CPNE8: variants seen among roughly 807,000 people sequenced by gnomAD.
CPNE8 encodes the protein copine 8, also known as copine-8.
A neutral mutation model predicts 81.5 loss-of-function variants in CPNE8; 45 were observed. The ratio of observed to expected loss-of-function variants is 0.55; its 90% CI spans 0.44 to 0.71. CPNE8 has a LOEUF of 0.71. CPNE8 is among the 30% of genes least tolerant of loss of function. CPNE8 has a pLI of 0.00. For missense variants in CPNE8, 594 were observed against 672.1 expected, an observed-to-expected ratio of 0.88 and a Z score of 1.28; for synonymous variants, 252 against 226.3, an observed-to-expected ratio of 1.11 and a Z score of -1.02.
chr12:38,770,796 ACTCC>A (rs976025443), intron 7 of CPNE8, among the ~76,000 whole-genome samples: 7 of 151,648 alleles, frequency 4.6e-5, no homozygotes, highest in Admixed American at 2.6e-4. Context: ...GGCAAACACT[ACTCC>A]TTCTTTAGGT....
At chr12:38,785,188 T>TGA (rs1942152088) in intron 6 of CPNE8, among the ~76,000 whole-genome samples, 1 of 137,962 alleles carries the variant, frequency 7.2e-6, no homozygotes, top group African/African-American at 2.8e-5. Context: ...ACTCTGTCTC[T>TGA]GAAAAAAAAA....
At chr12:38,826,413 T>A (rs533613707) in intron 6 of CPNE8, among the ~76,000 whole-genome samples, 97 of 152,312 alleles carry the variant, frequency 6.4e-4, no homozygotes, top group African/African-American at 2.1e-3. Flanking sequence ...GAACAAGTTT[T>A]GAAGTCTTTC....
chr12:38,876,669 T>A (rs1181026395), intron 1 of CPNE8, among the ~76,000 whole-genome samples: 2 of 152,260 alleles, frequency 1.3e-5, no homozygotes, highest in African/African-American at 4.8e-5. Flanking sequence ...CATAACATAG[T>A]CTGAAATTTG....
chr12:38,902,485 A>C (rs1291146065), intron 1 of CPNE8, among the ~76,000 whole-genome samples: 2 of 152,244 alleles, frequency 1.3e-5, no homozygotes, highest in African/African-American at 2.4e-5. Flanking sequence ...AACCTATTCA[A>C]ATCTGAGCTG....
At chr12:38,794,764 T>C (rs1388329752) in intron 6 of CPNE8, among the ~76,000 whole-genome samples, 1 of 152,054 alleles carries the variant, frequency 6.6e-6, no homozygotes, top group Admixed American at 6.5e-5. Flanking sequence ...AGTATGAATG[T>C]GATGGTTAAT....
At chr12:38,737,762 G>T (rs1168735345) in intron 10 of CPNE8, among the ~76,000 whole-genome samples, 1 of 151,818 alleles carries the variant, frequency 6.6e-6, no homozygotes, top group Admixed American at 6.6e-5. Flanking sequence ...TTTGAACCAA[G>T]GTTCATATTT....
chr12:38,816,959 C>A (rs900501848), intron 6 of CPNE8, among the ~76,000 whole-genome samples: 2 of 152,170 alleles, frequency 1.3e-5, no homozygotes, highest in African/African-American at 4.8e-5. Context: ...ACTGAGTCTA[C>A]CTGGACCTAA....
chr12:38,655,015 A>G (rs1405366777), intron 19 of CPNE8, among the ~76,000 whole-genome samples: 1 of 152,160 alleles, frequency 6.6e-6, no homozygotes, highest in Non-Finnish European at 1.5e-5. Flanking sequence ...TTGATTTTTG[A>G]GTATCTACTA....
chr12:38,701,543 G>GA (rs1326634709), intron 14 of CPNE8, among the ~76,000 whole-genome samples: 1 of 151,986 alleles, frequency 6.6e-6, no homozygotes, highest in African/African-American at 2.4e-5. Context: ...ACCCAGTTTG[G>GA]AGTACAGTGG....
At position 38,770,649 on chromosome 12, in the gene CPNE8, C is replaced by T. The variant is rs185051122; in HGVS notation, c.472-2911G>A. 3.6e-3 allele frequency among the ~76,000 whole-genome samples: 555 copies of T among 152,276 alleles called. 2 individuals are homozygous for T. The highest frequency in any genetic ancestry group is 4.2e-3 in the Non-Finnish European group (288 of 68,036). ...TCTAATGGGTTCTGACCAGCCTTTT[C>T]CACCTTCAACTGGCAATGTTTTAGC... On this transcript the variant is annotated intron_variant, in intron 7 of 19. Transcript: ENST00000331366.
chr12:38,751,689 T>G (rs537384622), intron 10 of CPNE8, among the ~76,000 whole-genome samples: 4 of 149,710 alleles, frequency 2.7e-5, no homozygotes, highest in Non-Finnish European at 5.9e-5. Context: ...ATAGTGGCAC[T>G]GGAGATAAAA....
intron 6 of CPNE8, among the ~76,000 whole-genome samples, chr12:38,780,071 T>G (rs958807016): frequency 6.6e-6 from 1 of 152,064 alleles, no homozygotes; most frequent in South Asian, 2.1e-4. Context: ...TTTTACCCAT[T>G]TTGAGCTGAT....
At chr12:38,729,584 A>G (rs1940784756) in intron 11 of CPNE8, among the ~76,000 whole-genome samples, 1 of 152,042 alleles carries the variant, frequency 6.6e-6, no homozygotes, top group South Asian at 2.1e-4. Context: ...CTCTCTACTT[A>G]ACAGAGGCCA....
At chr12:38,847,565 G>A (rs1943579023) in intron 4 of CPNE8, among the ~76,000 whole-genome samples, 1 of 152,100 alleles carries the variant, frequency 6.6e-6, no homozygotes, top group Admixed American at 6.6e-5. Flanking sequence ...ACCAAATGTG[G>A]ATGTAATAAA....
intron 3 of CPNE8, among the ~76,000 whole-genome samples, chr12:38,859,352 G>T (rs1943795138): frequency 6.6e-6 from 1 of 151,876 alleles, no homozygotes; most frequent in African/African-American, 2.4e-5. Context: ...AACAGAATCA[G>T]AAAGAATAAA....
intron 5 of CPNE8, among the ~76,000 whole-genome samples, chr12:38,830,864 G>T (rs182485985): frequency 6.6e-6 from 1 of 152,116 alleles, no homozygotes; most frequent in Non-Finnish European, 1.5e-5. Context: ...TAAACCCAAG[G>T]CTTACTACTC....
At chr12:38,709,547 T>A (rs1417372534) in intron 13 of CPNE8, among the ~76,000 whole-genome samples, 1 of 152,182 alleles carries the variant, frequency 6.6e-6, no homozygotes, top group African/African-American at 2.4e-5. Context: ...TTATAAAACC[T>A]TCCCTGATTG....
chr12:38,738,577 A>G (rs563401953), intron 10 of CPNE8, among the ~76,000 whole-genome samples: 1 of 152,294 alleles, frequency 6.6e-6, no homozygotes, highest in South Asian at 2.1e-4. Flanking sequence ...CACTTTAGTG[A>G]CATTTTGAAT....
At chr12:38,797,003 C>A (rs555104110) in intron 6 of CPNE8, among the ~76,000 whole-genome samples, 3 of 152,072 alleles carry the variant, frequency 2.0e-5, no homozygotes, top group Admixed American at 6.6e-5. Context: ...GACGGGTGCC[C>A]GCCATTGCCC....
Sources: allele counts gnomAD v4.1 joint callset (sites outside exome capture counted in the v4.1 genomes callset), GRCh38; gene constraint gnomAD v4.1.1; transcripts MANE v1.5; gene names NCBI Gene and HGNC (gene_info 2026-07-23, HGNC 2026-07-21).